The following RBBP5 variants were observed in gnomAD, a reference collection of about 807,000 sequenced individuals.
The protein encoded by RBBP5 is RB binding protein 5, histone lysine methyltransferase complex subunit.
Under a neutral mutation model 72.2 loss-of-function variants are expected in RBBP5, and 5 were observed. The observed-to-expected ratio is 0.07, with a 90% confidence interval of 0.04 to 0.15. The LOEUF is 0.15. RBBP5 is among the 10% of genes least tolerant of loss of function. The pLI is 1.00. For synonymous variants in RBBP5, 209 were observed against 237.2 expected, an observed-to-expected ratio of 0.88 and a Z score of 1.09; for missense variants, 322 against 652.2, an observed-to-expected ratio of 0.49 and a Z score of 5.51.
At position 205,099,677 on chromosome 1, in the gene RBBP5, T is replaced by G; in HGVS notation, c.978+64A>C. Reference sequence around the variant, plus strand: ...AAAATGTAATTTTTAGCTTCCTATGTATAAGGTTCTTTGATAAAAAGAAGG... The same window carrying G: ...AAAATGTAATTTTTAGCTTCCTATGGATAAGGTTCTTTGATAAAAAGAAGG... On this transcript the variant is annotated intron_variant, in intron 9 of 13. Coordinates refer to ENST00000264515, the MANE Select transcript of RBBP5 (RefSeq NM_005057.4). This position sits in a 1 kb window ranked among gnomAD's most constrained non-coding sequence, Gnocchi z 4.7. 1 of 1,452,628 alleles carries G rather than the reference T, an allele frequency of 6.9e-7. No individual in the cohort carries two copies. Among genetic ancestry groups the G allele is most frequent in the South Asian group, 1.2e-5 (1 of 82,640 alleles). The allele number at this position is 1,452,628 out of a possible 1,614,324, so 90.0% of individuals were successfully genotyped here.
At position 205,093,493 on chromosome 1, in the gene RBBP5, T is replaced by A. The variant is rs1296690254; in HGVS notation, c.1588+1380A>T. On this transcript the variant is annotated intron_variant, in intron 13 of 13. Transcript: ENST00000264515. ...AAAAAAAAAAAAATATATATATATA[T>A]ATATATATATATATATATATATATA... is the stretch of plus-strand genomic sequence containing the variant. Among the ~76,000 whole-genome samples, 151 of 3,632 alleles carry A rather than the reference T, an allele frequency of 0.042. 52 individuals carry two copies. In the East Asian group the frequency reaches 0.45, roughly 11 times the overall value. 2.4% of individuals were successfully genotyped at this position (3,632 alleles called of 152,430 possible).
intron 13 of RBBP5, among the ~76,000 whole-genome samples, chr1:205,093,658 G>A (rs899840048): frequency 8.0e-5 from 12 of 149,618 alleles, no homozygotes; most frequent in Non-Finnish European, 1.2e-4. Context: ...AAATGTTGTC[G>A]GGAAAAAAAT....
chr1:205,094,726 T>C, intron 13 of RBBP5, 147 bp downstream of exon 13: 2 of 908,874 alleles, frequency 2.2e-6, no homozygotes, highest in Non-Finnish European at 3.3e-6. Context: ...AGCCTGCCCT[T>C]AGCAGCAGCT....
chr1:205,106,490 G>C (rs770369025), intron 3 of RBBP5, among the ~76,000 whole-genome samples: 1 of 152,084 alleles, frequency 6.6e-6, no homozygotes, highest in East Asian at 1.9e-4. Context: ...CCAGCTACTC[G>C]GGAGGCTTGA....
intron 6 of RBBP5, among the ~76,000 whole-genome samples, chr1:205,101,131 TAAAC>T (rs1240217694): frequency 6.6e-6 from 1 of 152,200 alleles, no homozygotes; most frequent in Non-Finnish European, 1.5e-5. Flanking sequence ...TGGGTGTTCC[TAAAC>T]AAAATAGGAG....
In RBBP5 at chr1:205,103,860, G is replaced by C; in HGVS notation, c.519C>G (p.Gly173=). 6.2e-7 allele frequency: 1 copy of C among 1,610,068 alleles called. No individual in the cohort carries two copies. Among genetic ancestry groups the C allele is most frequent in the South Asian group, 1.1e-5 (1 of 90,958 alleles). The change falls in exon 5 of 14, where the codon GGC becomes GGG. Residue 173 remains glycine, a synonymous_variant. Coordinates refer to ENST00000264515, the MANE Select transcript of RBBP5 (RefSeq NM_005057.4). ...ATTTGCCAGCTTTTAGGCTTACCTT[G>C]CCTTTTGCGTTTCCCGTATAAATAT... ...GEYIYTGNAK[G]KILVLKTDSQ...
chr1:205,108,482 G>A (rs1222288798), intron 3 of RBBP5, among the ~76,000 whole-genome samples: 1 of 152,064 alleles, frequency 6.6e-6, no homozygotes, highest in African/African-American at 2.4e-5. Context: ...AATGTATGAT[G>A]TAAAACCTAG....
Position 205,121,959 on chromosome 1 carries a change from G to T in RBBP5, c.-86C>A. 6.3e-7 allele frequency: 1 copy of T among 1,589,212 alleles called. No individual in the cohort carries two copies. The highest frequency in any genetic ancestry group is 8.5e-7 in the Non-Finnish European group (1 of 1,171,114). ...TTCAGCAACTTGCGTCTAAGTGGTG[G>T]ACGCCGCGAAGAGACTGGCGCAAGC... On this transcript the variant is annotated 5_prime_UTR_variant, in exon 1 of 14. Transcript: ENST00000264515.
chr1:205,096,631 T>C, intron 12 of RBBP5, 51 bp downstream of exon 12: 1 of 1,532,974 alleles, frequency 6.5e-7, no homozygotes, highest in Non-Finnish European at 8.9e-7. Flanking sequence ...CGCTGGGGAG[T>C]GAGTAGAAAG....
chr1:205,107,102 A>C (rs940516322), intron 3 of RBBP5, among the ~76,000 whole-genome samples: 1 of 151,688 alleles, frequency 6.6e-6, no homozygotes, highest in Non-Finnish European at 1.5e-5. Flanking sequence ...ACACACACAC[A>C]TATGTATCTA....
intron 3 of RBBP5, among the ~76,000 whole-genome samples, chr1:205,113,780 G>A (rs1018595389): frequency 2.0e-5 from 3 of 151,714 alleles, no homozygotes; most frequent in Non-Finnish European, 2.9e-5. Context: ...TGCCTTCCAG[G>A]TTCAAGCGAT....
Position 205,121,945 on chromosome 1 carries a change from G to C in RBBP5, c.-72C>G, listed in dbSNP as rs1656754221. On this transcript the variant is annotated 5_prime_UTR_variant, in exon 1 of 14. Coordinates refer to ENST00000264515, the MANE Select transcript of RBBP5 (RefSeq NM_005057.4). Reference sequence around the variant, plus strand: ...TCTCCCCGGCCGGCTTCAGCAACTTGCGTCTAAGTGGTGGACGCCGCGAAG... The same window carrying C: ...TCTCCCCGGCCGGCTTCAGCAACTTCCGTCTAAGTGGTGGACGCCGCGAAG... The C allele has an allele frequency of 4.4e-6, 7 of 1,599,372 alleles. No individual in the cohort carries two copies. The highest frequency in any genetic ancestry group is 2.2e-5 in the South Asian group (2 of 90,888).
intron 3 of RBBP5, among the ~76,000 whole-genome samples, chr1:205,114,575 C>A (rs189219281): frequency 6.6e-6 from 1 of 152,188 alleles, no homozygotes; most frequent in Non-Finnish European, 1.5e-5. Context: ...ATATTCTCAG[C>A]GCCTGATACA....
At chr1:205,095,307 C>T (rs561664995) in intron 12 of RBBP5, among the ~76,000 whole-genome samples, 11 of 152,270 alleles carry the variant, frequency 7.2e-5, no homozygotes, top group Admixed American at 1.3e-4. Context: ...AGGCTACATG[C>T]GGCCTAGGAC....
chr1:205,097,283 G>A (rs939577111), intron 11 of RBBP5, 43 bp downstream of exon 11: 3 of 1,535,764 alleles, frequency 2.0e-6, no homozygotes, highest in Non-Finnish European at 2.6e-6. Flanking sequence ...CAGAGGCCAG[G>A]AGCAGCAGTA....
At chr1:205,107,901 G>A (rs568116386) in intron 3 of RBBP5, among the ~76,000 whole-genome samples, 25 of 147,924 alleles carry the variant, frequency 1.7e-4, no homozygotes, top group Admixed American at 2.7e-4. Flanking sequence ...AGCCGAGATC[G>A]CGCTATTGCA....
Position 205,087,141 on chromosome 1 carries a change from A to G in RBBP5, c.*1646T>C, listed in dbSNP as rs1655166595. 6.6e-6 allele frequency: 1 copy of G among 152,078 alleles called. No individual in the cohort carries two copies. Among genetic ancestry groups the G allele is most frequent in the Non-Finnish European group, 1.5e-5 (1 of 68,026 alleles). The allele number at this position is 152,078 out of a possible 1,614,324, so 9.4% of individuals were successfully genotyped here. On this transcript the variant is annotated 3_prime_UTR_variant, in exon 14 of 14. Coordinates refer to ENST00000264515, the MANE Select transcript of RBBP5 (RefSeq NM_005057.4). ...GCTCTACTTTGATTTCTATCCTAAA[A>G]TCTAACAGGTAATCAATGTGTTTGG...
Position 205,099,939 on chromosome 1 carries a change from G to A in RBBP5, c.878C>T (p.Thr293Met). The part of the protein sequence containing the change: ...IGNLVKILHG[T>M]RGELLLDVAW... Reference sequence around the variant, plus strand: ...TACATCCAAGAGGAGTTCTCCTCTCGTCCCATGGAGAATCTTCACCAGGTT... The same window carrying A: ...TACATCCAAGAGGAGTTCTCCTCTCATCCCATGGAGAATCTTCACCAGGTT... Residue 293 changes from threonine to methionine, a missense_variant, in exon 8 of 14, where the codon ACG becomes ATG. Physicochemically the swap from Thr to Met is moderately conservative, Grantham distance 81 (BLOSUM62 -1). Transcript: ENST00000264515. The surrounding 1 kb of genome is among the most constrained non-coding windows in gnomAD (Gnocchi z 4.7). The A allele has an allele frequency of 6.2e-7, 1 of 1,614,080 alleles. No individual in the cohort carries two copies. Among genetic ancestry groups the A allele is most frequent in the Non-Finnish European group, 8.5e-7 (1 of 1,180,018 alleles).
At chr1:205,091,563 GTCTC>G (rs1198620031) in intron 13 of RBBP5, 3 of 152,300 alleles carry the variant, frequency 2.0e-5, no homozygotes, top group Non-Finnish European at 2.9e-5. Flanking sequence ...CTCTATAGTG[GTCTC>G]TCTGCCAATT....
Sources: allele counts gnomAD v4.1 joint callset (sites outside exome capture counted in the v4.1 genomes callset), GRCh38; gene constraint gnomAD v4.1.1; non-coding constraint Gnocchi (gnomAD v3.1); transcripts MANE v1.5; gene names NCBI Gene and HGNC (gene_info 2026-07-23, HGNC 2026-07-21).